The following KLHL29 variants were observed in gnomAD, a reference collection of about 807,000 sequenced individuals.
The protein encoded by KLHL29 is kelch like family member 29.
Under a neutral mutation model 80.4 loss-of-function variants are expected in KLHL29, and 21 were observed. The ratio of observed to expected loss-of-function variants is 0.26; its 90% CI spans 0.19 to 0.38. The LOEUF (loss-of-function observed/expected upper bound fraction) is 0.38. Among genes scored for constraint, KLHL29 ranks in the 10% least tolerant of loss-of-function variants. The pLI is 1.00. For synonymous variants in KLHL29, 511 were observed against 526.8 expected, an observed-to-expected ratio of 0.97 and a Z score of 0.41; for missense variants, 867 against 1,223.9, an observed-to-expected ratio of 0.71 and a Z score of 4.35.
intron 1 of KLHL29, among the ~76,000 whole-genome samples, chr2:23,399,890 G>A (rs1229190966): frequency 2.0e-5 from 3 of 152,154 alleles, no homozygotes; most frequent in Admixed American, 6.5e-5. Flanking sequence ...GTGCTGATGC[G>A]TGTCCCTGGA....
At chr2:23,458,712 C>T (rs1042447103) in intron 1 of KLHL29, among the ~76,000 whole-genome samples, 12 of 152,114 alleles carry the variant, frequency 7.9e-5, no homozygotes, top group African/African-American at 2.2e-4. Flanking sequence ...GAGAGAGGAA[C>T]CAGCATGTGG....
At chr2:23,526,450 C>A (rs916843519) in intron 2 of KLHL29, among the ~76,000 whole-genome samples, 1 of 152,120 alleles carries the variant, frequency 6.6e-6, no homozygotes, top group Non-Finnish European at 1.5e-5. Context: ...CTGCAGGGGC[C>A]GGGGGAGGAG....
At chr2:23,671,138 A>C (rs1572483473) in intron 5 of KLHL29, among the ~76,000 whole-genome samples, 1 of 151,180 alleles carries the variant, frequency 6.6e-6, no homozygotes, top group Non-Finnish European at 1.5e-5. Flanking sequence ...CTCTTTACCT[A>C]GGTAACTAAA....
chr2:23,460,816 G>A (rs1664187961), intron 1 of KLHL29, among the ~76,000 whole-genome samples: 1 of 150,292 alleles, frequency 6.7e-6, no homozygotes, highest in Non-Finnish European at 1.5e-5. Context: ...AAGCTCAGGA[G>A]CTTCCCGTGA....
At chr2:23,609,217 G>A (rs1018644331) in intron 3 of KLHL29, among the ~76,000 whole-genome samples, 2 of 152,198 alleles carry the variant, frequency 1.3e-5, no homozygotes, top group African/African-American at 4.8e-5. Context: ...GTCTAGGGGT[G>A]GTTATGGCAT....
chr2:23,398,743 G>A (rs1666515925), intron 1 of KLHL29, among the ~76,000 whole-genome samples: 1 of 152,172 alleles, frequency 6.6e-6, no homozygotes, highest in Admixed American at 6.5e-5. Flanking sequence ...ATGCTTTCAT[G>A]GAGAGAACGG....
intron 3 of KLHL29, among the ~76,000 whole-genome samples, chr2:23,622,249 C>G (rs56958963): frequency 0.027 from 4,166 of 152,266 alleles, 199 homozygotes; most frequent in African/African-American, 0.096. Context: ...GCATCACATT[C>G]CCTGTGCCCA....
At chr2:23,668,336 G>C (rs1283036960) in intron 5 of KLHL29, 2 of 152,296 alleles carry the variant, frequency 1.3e-5, no homozygotes, top group African/African-American at 4.8e-5. Flanking sequence ...GGGGTGCAGA[G>C]ACTAGTCAGA....
chr2:23,549,238 G>A (rs532819107), intron 2 of KLHL29, among the ~76,000 whole-genome samples: 1 of 152,338 alleles, frequency 6.6e-6, no homozygotes, highest in South Asian at 2.1e-4. Flanking sequence ...CTGCCCAGCG[G>A]GGGTGGAAGT....
At chr2:23,621,638 G>C (rs574725264) in intron 3 of KLHL29, among the ~76,000 whole-genome samples, 14 of 152,128 alleles carry the variant, frequency 9.2e-5, no homozygotes, top group Non-Finnish European at 2.1e-4. Flanking sequence ...GGAGAGAATG[G>C]AGGTGAATGG....
intron 1 of KLHL29, among the ~76,000 whole-genome samples, chr2:23,421,524 T>TTGTGTGTGTG (rs57348539): frequency 1.4e-5 from 2 of 143,614 alleles, no homozygotes; most frequent in Admixed American, 6.9e-5. Context: ...TTAGACAAGA[T>TTGTGTGTGTG]TGTGTGTGTG....
intron 3 of KLHL29, among the ~76,000 whole-genome samples, chr2:23,616,245 A>T (rs2149140481): frequency 6.6e-6 from 1 of 152,190 alleles, no homozygotes; most frequent in Admixed American, 6.5e-5. Flanking sequence ...GAGCCCTACA[A>T]AAAGTTCATA....
intron 1 of KLHL29, among the ~76,000 whole-genome samples, chr2:23,413,589 T>C (rs1268339448): frequency 1.3e-5 from 2 of 152,124 alleles, no homozygotes; most frequent in African/African-American, 2.4e-5. Context: ...AAAATGAGTC[T>C]CCACCCCTGG....
At chr2:23,484,530 C>T (rs181095069) in intron 2 of KLHL29, among the ~76,000 whole-genome samples, 8 of 152,314 alleles carry the variant, frequency 5.3e-5, no homozygotes, top group East Asian at 3.9e-4. Context: ...AAGTGGAAAA[C>T]GGAAGTCAGA....
At chr2:23,632,346 T>G (rs1669491173) in intron 3 of KLHL29, among the ~76,000 whole-genome samples, 1 of 152,248 alleles carries the variant, frequency 6.6e-6, no homozygotes, top group Admixed American at 6.5e-5. Context: ...TCCTGGGGCT[T>G]CACCTTTGCA....
intron 5 of KLHL29, among the ~76,000 whole-genome samples, chr2:23,683,959 G>A (rs1336078893): frequency 6.6e-6 from 1 of 152,194 alleles, no homozygotes; most frequent in East Asian, 1.9e-4. Context: ...ACCATATCCA[G>A]CCCATCTTAC....
At chr2:23,702,698 C>A (rs1558451476) in intron 11 of KLHL29, among the ~76,000 whole-genome samples, 1 of 152,214 alleles carries the variant, frequency 6.6e-6, no homozygotes, top group African/African-American at 2.4e-5. Context: ...ACCTTCAGAC[C>A]ACTCAGCATC....
rs1203320718 is a variant in KLHL29 at position 23,580,403 on chromosome 2, C to T, written c.285+17922C>T. 2.6e-4 allele frequency among the ~76,000 whole-genome samples: 34 copies of T among 132,288 alleles called. 1 individual carries two copies. The highest frequency in any genetic ancestry group is 2.3e-3 in the Admixed American group (30 of 13,164). The allele number at this position is 132,288 out of a possible 152,430, so 86.8% of individuals were successfully genotyped here. On this transcript the variant is annotated intron_variant, in intron 3 of 13. Coordinates refer to ENST00000486442, the MANE Select transcript of KLHL29 (RefSeq NM_052920.2). ...AAGATCTAGCCCATTAGGCCAGGCG[C>T]GGTGGCTCACACCTGTAATCCCAGT...
intron 2 of KLHL29, among the ~76,000 whole-genome samples, chr2:23,540,151 A>C (rs1666789684): frequency 6.6e-6 from 1 of 151,990 alleles, no homozygotes; most frequent in South Asian, 2.1e-4. Context: ...TTCTGTGTCC[A>C]GGCTCCCGTC....
Sources: gnomAD v4.1 joint callset for allele counts (sites outside exome capture counted in the v4.1 genomes callset) on GRCh38, gnomAD v4.1.1 for gene constraint, MANE v1.5 for transcripts, NCBI Gene and HGNC (gene_info 2026-07-23, HGNC 2026-07-21) for gene names.